SLC25A28: variants seen among roughly 807,000 people sequenced by gnomAD.
The protein encoded by SLC25A28 is solute carrier family 25 member 28.
In SLC25A28, 10 loss-of-function variants were observed where a neutral mutation model predicts 31.9. The observed-to-expected ratio is 0.31, with a 90% CI of 0.19 to 0.53. The LOEUF is 0.53. Among genes scored for constraint, SLC25A28 ranks in the 20% least tolerant of loss-of-function variants. SLC25A28 has a pLI of 0.95. For missense variants in SLC25A28, 256 were observed against 490.3 expected, an observed-to-expected ratio of 0.52 and a Z score of 4.51; for synonymous variants, 208 against 203.6, an observed-to-expected ratio of 1.02 and a Z score of -0.19.
At chr10:99,637,286 C>A in the SLC25A28 span, among the ~76,000 whole-genome samples, 3 of 152,108 alleles carry the variant, frequency 2.0e-5, no homozygotes, top group Non-Finnish European at 2.9e-5. Flanking sequence ...ATGGGACATA[C>A]CTCAATGTAA....
At chr10:99,627,446 T>TG in the SLC25A28 span, among the ~76,000 whole-genome samples, 3 of 148,296 alleles carry the variant, frequency 2.0e-5, no homozygotes, top group South Asian at 2.1e-4. Context: ...TTCATCTTGT[T>TG]TTTTTTTTTT....
the SLC25A28 span, among the ~76,000 whole-genome samples, chr10:99,642,903 C>G: frequency 1.3e-5 from 2 of 152,204 alleles, no homozygotes. Context: ...GCCTTGCATC[C>G]TAGGGATGAA....
At chr10:99,652,216 T>G in the SLC25A28 span, 1 of 152,492 alleles carries the variant, frequency 6.6e-6, no homozygotes, top group East Asian at 1.9e-4. Flanking sequence ...AAGTCCTGCA[T>G]GGGGTGGAGG....
the SLC25A28 span, among the ~76,000 whole-genome samples, chr10:99,641,413 G>T: frequency 6.6e-6 from 1 of 152,058 alleles, no homozygotes; most frequent in Non-Finnish European, 1.5e-5. Flanking sequence ...TGATGGGGTT[G>T]TTTGATTTTT....
chr10:99,648,574 A>G, the SLC25A28 span, among the ~76,000 whole-genome samples: 1 of 151,962 alleles, frequency 6.6e-6, no homozygotes, highest in African/African-American at 2.4e-5. Context: ...GATTCTTCCA[A>G]TCCATAAGCA....
rs1590000408 is a variant in SLC25A28, at chr10:99,620,285, T to C, written c.51A>G (p.Ala17=). 2.7e-6 allele frequency: 3 copies of C among 1,107,566 alleles called. No homozygotes were observed. Among genetic ancestry groups the C allele is most frequent in the South Asian group, 4.4e-5 (1 of 22,768 alleles). 68.6% of individuals were successfully genotyped at this position (1,107,566 alleles called of 1,614,324 possible). The change falls in exon 1 of 4, where the codon GCA becomes GCG. Residue 17 remains alanine (A), a synonymous_variant. Transcript: ENST00000370495. ...GAGGVAGGPA[A]GPGRSPGESA... is the part of the protein sequence containing the mutation. ...ACTCCCCGGGGCTCCGCCCGGGCCC[T>C]GCCGCCGGCCCCCCCGCCACACCGC...
chr10:99,621,148 G>A (rs1015954278), upstream of SLC25A28: 15 of 239,250 alleles, frequency 6.3e-5, no homozygotes, highest in Admixed American at 1.3e-4. Flanking sequence ...TCACCTCCAG[G>A]GGGGACCGCG....
Position 99,613,063 on chromosome 10 carries a change from G to A in SLC25A28, c.521-464C>T, listed in dbSNP as rs888671458. 1.3e-5 allele frequency among the ~76,000 whole-genome samples: 2 copies of A among 152,072 alleles called. No homozygotes were observed. Among genetic ancestry groups the A allele is most frequent in the African/African-American group, 4.8e-5 (2 of 41,398 alleles). ...TAACATTTGTCTACAAAGATCTTTC[G>A]TTCAGGTCCTGAACTACTCTACCCC... On this transcript the variant is annotated intron_variant, in intron 2 of 3. Transcript: ENST00000370495. This position sits in a 1 kb window ranked among gnomAD's most constrained non-coding sequence, Gnocchi z 4.9.
At position 99,613,296 on chromosome 10, in the gene SLC25A28, G is replaced by A; in HGVS notation, c.520+400C>T. The A allele has an allele frequency of 1.3e-6, 1 of 767,704 alleles. No individual in the cohort carries two copies. Among genetic ancestry groups the A allele is most frequent in the East Asian group, 1.3e-4 (1 of 7,778 alleles). The allele number at this position is 767,704 out of a possible 1,614,324, so 47.6% of individuals were successfully genotyped here. The stretch of plus-strand genomic sequence containing the variant: ...TGAAAAGGTGAGGCAAAAAGCAGGG[G>A]CTTCATTAGTATCTTCCTTGGGTGG... On this transcript the variant is annotated intron_variant, in intron 2 of 3. Coordinates refer to ENST00000370495, the MANE Select transcript of SLC25A28 (RefSeq NM_031212.4). The surrounding 1 kb of genome is among the most constrained non-coding windows in gnomAD (Gnocchi z 4.9).
the SLC25A28 span, among the ~76,000 whole-genome samples, chr10:99,628,346 T>A: frequency 2.0e-5 from 3 of 152,262 alleles, no homozygotes; most frequent in Non-Finnish European, 2.9e-5. Context: ...GGAAAGTACA[T>A]GTTTACATGT....
the SLC25A28 span, among the ~76,000 whole-genome samples, chr10:99,634,421 A>G: frequency 1.4e-5 from 1 of 72,354 alleles, no homozygotes; most frequent in African/African-American, 4.9e-5. Flanking sequence ...AAAGGGAGAA[A>G]TATTCGAGGA....
At chr10:99,644,512 T>C in the SLC25A28 span, among the ~76,000 whole-genome samples, 1 of 152,200 alleles carries the variant, frequency 6.6e-6, no homozygotes, top group Non-Finnish European at 1.5e-5. Flanking sequence ...TTATGCAATT[T>C]GCCAGCCTGT....
the SLC25A28 span, among the ~76,000 whole-genome samples, chr10:99,633,143 A>G: frequency 6.6e-6 from 1 of 152,116 alleles, no homozygotes; most frequent in Non-Finnish European, 1.5e-5. Context: ...TTTCATTTAA[A>G]AAAAAAAAGT....
At position 99,618,809 on chromosome 10, in the gene SLC25A28, T is replaced by C. The variant is rs1007739396; in HGVS notation, c.291+1236A>G. 8 of 985,304 alleles carry C rather than the reference T, an allele frequency of 8.1e-6. No homozygotes were observed. In the African/African-American group the frequency reaches 1.0e-4, roughly 13 times the overall value. 61.0% of individuals were successfully genotyped at this position (985,304 alleles called of 1,614,324 possible). A position where few individuals can be genotyped will look rare whatever the true frequency, so the allele number is the denominator to read the frequency against. ...CTTATCCACATTCTAATGAAAAACA[T>C]GAAACAGTACTGGAACCAAAGGGAA... On this transcript the variant is annotated intron_variant, in intron 1 of 3. Coordinates refer to ENST00000370495, the MANE Select transcript of SLC25A28 (RefSeq NM_031212.4).
chr10:99,626,987 T>C, the SLC25A28 span, among the ~76,000 whole-genome samples: 3 of 152,226 alleles, frequency 2.0e-5, no homozygotes, highest in African/African-American at 7.2e-5. Context: ...GGCTCACACC[T>C]CCCAGCACTT....
the SLC25A28 span, among the ~76,000 whole-genome samples, chr10:99,638,871 CAG>C: frequency 6.6e-6 from 1 of 152,156 alleles, no homozygotes; most frequent in East Asian, 1.9e-4. Flanking sequence ...CTATGGAAAA[CAG>C]TGTGGAGATT....
At chr10:99,645,730 T>C in the SLC25A28 span, among the ~76,000 whole-genome samples, 6 of 152,274 alleles carry the variant, frequency 3.9e-5, no homozygotes, top group South Asian at 1.2e-3. Flanking sequence ...GACGTACAGA[T>C]GGGGTTTTGG....
intron 1 of SLC25A28, chr10:99,615,971 C>T: frequency 2.0e-6 from 2 of 985,290 alleles, no homozygotes; most frequent in East Asian, 1.1e-4. Context: ...ATTCTATATA[C>T]ACATCTAAAT....
At chr10:99,641,854 T>C in the SLC25A28 span, among the ~76,000 whole-genome samples, 1 of 152,266 alleles carries the variant, frequency 6.6e-6, no homozygotes. Context: ...TTTTGTCAGG[T>C]TTGTCAAAGA....
Sources: allele counts gnomAD v4.1 joint callset (sites outside exome capture counted in the v4.1 genomes callset), GRCh38; gene constraint gnomAD v4.1.1; non-coding constraint Gnocchi (gnomAD v3.1); transcripts MANE v1.5; gene names NCBI Gene and HGNC (gene_info 2026-07-23, HGNC 2026-07-21).